Variants in NRBF2 observed in about 807,000 individuals in gnomAD.
NRBF2 encodes nuclear receptor-binding factor 2.
In NRBF2, 12 loss-of-function variants were observed where a neutral mutation model predicts 28.5. The observed-to-expected ratio is 0.42, with a 90% CI of 0.27 to 0.68. The LOEUF (loss-of-function observed/expected upper bound fraction) is 0.68, where lower values mean the gene tolerates loss of function less well. NRBF2 is among the 30% of genes least tolerant of loss of function. The probability of loss-of-function intolerance (pLI) is 0.24; values close to 1 mark genes in which losing one functional copy is unlikely to be tolerated. For synonymous variants in NRBF2, 102 were observed against 116.5 expected, an observed-to-expected ratio of 0.88 and a Z score of 0.80; for missense variants, 274 against 333.5, an observed-to-expected ratio of 0.82 and a Z score of 1.39.
At chr10:63,141,658 T>C (rs1483308191) in intron 1 of NRBF2, among the ~76,000 whole-genome samples, 1 of 152,162 alleles carries the variant, frequency 6.6e-6, no homozygotes, top group Non-Finnish European at 1.5e-5. Context: ...GCCATCAAAT[T>C]TACATAAGCA....
intron 1 of NRBF2, among the ~76,000 whole-genome samples, chr10:63,141,290 G>A (rs1841462540): frequency 6.6e-6 from 1 of 152,102 alleles, no homozygotes; most frequent in African/African-American, 2.4e-5. Flanking sequence ...ATAAAAGTTA[G>A]CTGGATGTGG....
chr10:63,141,681 C>G (rs559177045), intron 1 of NRBF2, among the ~76,000 whole-genome samples: 7 of 152,262 alleles, frequency 4.6e-5, no homozygotes, highest in Admixed American at 3.3e-4. Flanking sequence ...CAATAACTTT[C>G]ATTTTAGAGA....
intron 3 of NRBF2, among the ~76,000 whole-genome samples, chr10:63,152,700 T>C (rs1841668180): frequency 1.3e-5 from 2 of 152,226 alleles, no homozygotes; most frequent in South Asian, 4.1e-4. Flanking sequence ...TGTTTCAAGA[T>C]ACATTTATTC....
intron 1 of NRBF2, among the ~76,000 whole-genome samples, chr10:63,135,008 C>A (rs1325114660): frequency 6.6e-6 from 1 of 152,100 alleles, no homozygotes; most frequent in Non-Finnish European, 1.5e-5. Context: ...GGCAACATGG[C>A]GAAACCCGGT....
At chr10:63,148,869 A>G (rs947321411) in intron 2 of NRBF2, among the ~76,000 whole-genome samples, 3 of 152,224 alleles carry the variant, frequency 2.0e-5, no homozygotes, top group African/African-American at 7.2e-5. Flanking sequence ...ACCTGAAATA[A>G]GTTAATAGCC....
At position 63,133,338 on chromosome 10, in the gene NRBF2, C is replaced by T; in HGVS notation, c.-133C>T. 6 of 1,050,830 alleles carry T rather than the reference C, an allele frequency of 5.7e-6. No individual in the cohort carries two copies. The highest frequency in any genetic ancestry group is 2.7e-5 in the East Asian group (1 of 36,890). 65.1% of individuals were successfully genotyped at this position (1,050,830 alleles called of 1,614,324 possible). On this transcript the variant is annotated 5_prime_UTR_variant, in exon 1 of 4. Transcript: ENST00000277746. ...AGTGGTGAGGTTGTTGCTCCTTCAG[C>T]GCCTATCGCTGGCTCTTGGGGCGCA...
At chr10:63,141,347 G>C (rs981214963) in intron 1 of NRBF2, among the ~76,000 whole-genome samples, 1 of 152,094 alleles carries the variant, frequency 6.6e-6, no homozygotes, top group Non-Finnish European at 1.5e-5. Flanking sequence ...GAGGTGGCAG[G>C]ATTGCTGGAG....
chr10:63,134,036 C>T (rs1442658177), intron 1 of NRBF2, among the ~76,000 whole-genome samples: 1 of 149,754 alleles, frequency 6.7e-6, no homozygotes, highest in Non-Finnish European at 1.5e-5. Flanking sequence ...CCCCTCATTT[C>T]TCACATACAT....
At chr10:63,143,563 C>T (rs1269773674) in intron 1 of NRBF2, among the ~76,000 whole-genome samples, 1 of 151,514 alleles carries the variant, frequency 6.6e-6, no homozygotes, top group East Asian at 1.9e-4. Context: ...GTTGAAGCGG[C>T]GATTCTCTTG....
chr10:63,153,777 A>G lies in NRBF2; in HGVS notation c.423A>G (p.Leu141=), dbSNP rs778770867. The change falls in exon 4 of 4, where the codon CTA becomes CTG. Residue 141 remains leucine (L), a synonymous_variant. Coordinates refer to ENST00000277746, the MANE Select transcript of NRBF2 (RefSeq NM_030759.5). The part of the protein sequence containing the change: ...QGIFDRDPDT[L]LYLLQQKSEP... The stretch of plus-strand genomic sequence containing the variant: ...TCTTTGACAGGGATCCAGACACACT[A>G]CTTTATTTACTTCAGCAAAAGAGTG... 19 of 1,613,026 alleles carry G rather than the reference A, an allele frequency of 1.2e-5. No homozygotes were observed. Among genetic ancestry groups the G allele is most frequent in the South Asian group, 3.3e-5 (3 of 91,028 alleles).
chr10:63,143,711 G>A (rs1302804655), intron 1 of NRBF2, among the ~76,000 whole-genome samples: 1 of 149,886 alleles, frequency 6.7e-6, no homozygotes, highest in African/African-American at 2.5e-5. Context: ...CTTGGCCTCC[G>A]CAAGTGTTGG....
intron 1 of NRBF2, among the ~76,000 whole-genome samples, chr10:63,142,309 T>TG (rs1564529689): frequency 6.7e-6 from 1 of 149,176 alleles, no homozygotes; most frequent in South Asian, 2.1e-4. Flanking sequence ...TTTGTTTTTT[T>TG]TGTTTTTTTT....
intron 2 of NRBF2, among the ~76,000 whole-genome samples, chr10:63,146,803 G>T (rs552220734): frequency 5.9e-5 from 9 of 152,012 alleles, no homozygotes; most frequent in African/African-American, 1.7e-4. Context: ...ATCTCTACAT[G>T]CATGCCTGTA....
intron 1 of NRBF2, 99 bp downstream of exon 1, chr10:63,133,599 T>G: frequency 1.1e-6 from 1 of 947,166 alleles, no homozygotes; most frequent in East Asian, 2.6e-5. Flanking sequence ...GGCTGGGAGG[T>G]TGGTTTGGCA....
At chr10:63,145,809 A>G (rs1841551794) in intron 1 of NRBF2, among the ~76,000 whole-genome samples, 1 of 152,254 alleles carries the variant, frequency 6.6e-6, no homozygotes, top group South Asian at 2.1e-4. Context: ...TATAGTTTTT[A>G]GACTATACAG....
At chr10:63,151,867 C>T (rs1298653187) in intron 2 of NRBF2, among the ~76,000 whole-genome samples, 1 of 152,062 alleles carries the variant, frequency 6.6e-6, no homozygotes, top group African/African-American at 2.4e-5. Context: ...TTTTATCTTT[C>T]CTAAACCTAT....
At chr10:63,148,420 T>TAA (rs1841597022) in intron 2 of NRBF2, among the ~76,000 whole-genome samples, 1 of 152,222 alleles carries the variant, frequency 6.6e-6, no homozygotes, top group African/African-American at 2.4e-5. Context: ...CTAGGGCTTA[T>TAA]AACTGGTCTT....
intron 1 of NRBF2, among the ~76,000 whole-genome samples, chr10:63,136,381 T>C (rs1365888385): frequency 6.6e-6 from 1 of 152,182 alleles, no homozygotes; most frequent in Non-Finnish European, 1.5e-5. Flanking sequence ...AATGCTATAA[T>C]TTGAATGTCT....
intron 1 of NRBF2, among the ~76,000 whole-genome samples, chr10:63,145,140 T>G (rs1013447905): frequency 8.1e-5 from 11 of 136,634 alleles, no homozygotes; most frequent in Non-Finnish European, 1.5e-4. Context: ...GGAGTTTCAC[T>G]GTTTTCACCC....
Sources: gnomAD v4.1 joint callset for allele counts (sites outside exome capture counted in the v4.1 genomes callset) on GRCh38, gnomAD v4.1.1 for gene constraint, MANE v1.5 for transcripts, NCBI Gene and HGNC (gene_info 2026-07-23, HGNC 2026-07-21) for gene names.